Variants in ADAM12 observed in about 807,000 individuals in gnomAD.
The protein encoded by ADAM12 is disintegrin and metalloproteinase domain-containing protein 12.
Under a neutral mutation model 106.4 loss-of-function variants are expected in ADAM12, and 70 were observed. The observed-to-expected ratio is 0.66, with a 90% CI of 0.54 to 0.80. The LOEUF (loss-of-function observed/expected upper bound fraction) is 0.80. Among genes scored for constraint, ADAM12 ranks in the 30% least tolerant of loss-of-function variants. ADAM12 has a pLI of 0.00. For missense variants in ADAM12, 1,010 were observed against 1,171.9 expected (o/e 0.86, Z 2.02); for synonymous variants, 420 against 433.5 (o/e 0.97, Z 0.39).
chr10:126,294,297 C>T (rs1590744109), intron 2 of ADAM12, among the ~76,000 whole-genome samples: 1 of 152,188 alleles, frequency 6.6e-6, no homozygotes, highest in African/African-American at 2.4e-5. Context: ...TCACCCTTAA[C>T]ACAGATGAAT....
rs930916160 is a variant in ADAM12, at chr10:126,043,552, C to T, written c.1996-404G>A. 6.6e-6 allele frequency among the ~76,000 whole-genome samples: 1 copy of T among 152,176 alleles called. No homozygotes were observed. Among genetic ancestry groups the T allele is most frequent in the Non-Finnish European group, 1.5e-5 (1 of 68,028 alleles). ...ACAGACCCAGAGCCCTGGGGCACCGCGGGACCTGACAGATGCTTGGCGCAT... is the reference window on the plus strand; with the variant it reads ...ACAGACCCAGAGCCCTGGGGCACCGTGGGACCTGACAGATGCTTGGCGCAT... On this transcript the variant is annotated intron_variant, in intron 17 of 22. Coordinates refer to ENST00000448723, the MANE Select transcript of ADAM12 (RefSeq NM_001288973.2). This position sits in a 1 kb window ranked among gnomAD's most constrained non-coding sequence, Gnocchi z 4.1.
chr10:126,085,946 T>C (rs2126742), intron 11 of ADAM12, among the ~76,000 whole-genome samples: 106,416 of 151,602 alleles, frequency 0.7, 37,845 homozygotes, highest in East Asian at 0.82. Flanking sequence ...CTAGAAATAA[T>C]CCTTTACCCT....
intron 14 of ADAM12, among the ~76,000 whole-genome samples, chr10:126,055,637 C>T (rs113713906): frequency 1.8e-4 from 28 of 152,290 alleles, no homozygotes; most frequent in African/African-American, 6.5e-4. Flanking sequence ...ACCCATGATC[C>T]AGCCATGATC....
At position 126,388,215 on chromosome 10, in the gene ADAM12, G is replaced by A. The variant is rs1856748632; in HGVS notation, c.-70C>T. On this transcript the variant is annotated 5_prime_UTR_variant, in exon 1 of 23. Coordinates refer to ENST00000448723, the MANE Select transcript of ADAM12 (RefSeq NM_001288973.2). This position sits in a 1 kb window ranked among gnomAD's most constrained non-coding sequence, Gnocchi z 4.4. ...CGCTGCACCATCCCACGCGGGCGCC[G>A]AGCCGGGGCCGGGCGTCGCGACCGG... 1 of 1,194,612 alleles carries A rather than the reference G, an allele frequency of 8.4e-7. No homozygotes were observed. Among genetic ancestry groups the A allele is most frequent in the South Asian group, 4.2e-5 (1 of 24,008 alleles). 74.0% of individuals were successfully genotyped at this position (1,194,612 alleles called of 1,614,324 possible). A position where few individuals can be genotyped will look rare whatever the true frequency, so the allele number is the denominator to read the frequency against.
intron 21 of ADAM12, among the ~76,000 whole-genome samples, chr10:126,026,751 C>T (rs1953881290): frequency 6.6e-6 from 1 of 152,206 alleles, no homozygotes; most frequent in East Asian, 1.9e-4. Flanking sequence ...ATACCAGAAT[C>T]TCTGAGAAGC....
intron 6 of ADAM12, among the ~76,000 whole-genome samples, chr10:126,115,522 G>A (rs1299112265): frequency 6.6e-6 from 1 of 152,136 alleles, no homozygotes; most frequent in South Asian, 2.1e-4. Context: ...CTAATGTGGA[G>A]CCTTGTAAAA....
intron 3 of ADAM12, among the ~76,000 whole-genome samples, chr10:126,180,055 T>C (rs546219090): frequency 7.2e-5 from 11 of 152,186 alleles, no homozygotes; most frequent in Admixed American, 2.6e-4. Flanking sequence ...CCCATCCATA[T>C]AATATTGATA....
At chr10:126,021,906 G>T (rs1329309089) in intron 21 of ADAM12, among the ~76,000 whole-genome samples, 1 of 152,154 alleles carries the variant, frequency 6.6e-6, no homozygotes, top group Non-Finnish European at 1.5e-5. Context: ...AATTAACTAA[G>T]GTAACAAATC....
intron 3 of ADAM12, among the ~76,000 whole-genome samples, chr10:126,176,946 A>C (rs2133774857): frequency 6.6e-6 from 1 of 152,276 alleles, no homozygotes; most frequent in East Asian, 1.9e-4. Flanking sequence ...TCATTTGAAA[A>C]AGAGCTGCCC....
intron 2 of ADAM12, among the ~76,000 whole-genome samples, chr10:126,291,734 G>A (rs115216271): frequency 3.3e-4 from 50 of 152,238 alleles, no homozygotes; most frequent in African/African-American, 1.2e-3. Context: ...CAGGGCTCGG[G>A]GGGTGATGGA....
At chr10:126,253,569 A>C (rs1958827163) in intron 3 of ADAM12, among the ~76,000 whole-genome samples, 1 of 152,230 alleles carries the variant, frequency 6.6e-6, no homozygotes, top group South Asian at 2.1e-4. Context: ...GAAGATTAGA[A>C]CAAGACATCT....
At chr10:126,019,093 G>A (rs1265546058) in intron 22 of ADAM12, among the ~76,000 whole-genome samples, 1 of 152,146 alleles carries the variant, frequency 6.6e-6, no homozygotes, top group African/African-American at 2.4e-5. Flanking sequence ...TTGGTTCTAA[G>A]TGATAGGAGT....
At chr10:126,190,445 G>A (rs911152164) in intron 3 of ADAM12, among the ~76,000 whole-genome samples, 17 of 151,944 alleles carry the variant, frequency 1.1e-4, no homozygotes, top group African/African-American at 4.8e-5. Context: ...ACCTCAAGTA[G>A]TCCACCTGCC....
chr10:126,059,645 C>T (rs879721484), intron 14 of ADAM12, among the ~76,000 whole-genome samples: 1 of 152,182 alleles, frequency 6.6e-6, no homozygotes, highest in Non-Finnish European at 1.5e-5. Context: ...TGAGTATTCA[C>T]CAGCCCATAA....
chr10:126,366,117 T>C (rs1409151532), intron 1 of ADAM12, among the ~76,000 whole-genome samples: 6 of 151,926 alleles, frequency 3.9e-5, no homozygotes, highest in East Asian at 1.9e-4. Flanking sequence ...GTGAGAAAAA[T>C]TGACACAAAT....
intron 8 of ADAM12, among the ~76,000 whole-genome samples, chr10:126,105,315 T>A (rs1043288712): frequency 6.6e-6 from 1 of 152,206 alleles, no homozygotes; most frequent in African/African-American, 2.4e-5. Flanking sequence ...ATCCCTTTTT[T>A]AAAATGGGGC....
chr10:126,085,648 T>TCGTC (rs1235959454), intron 11 of ADAM12, among the ~76,000 whole-genome samples: 2 of 152,138 alleles, frequency 1.3e-5, no homozygotes, highest in African/African-American at 4.8e-5. Flanking sequence ...CATCCATCCT[T>TCGTC]TGTCTGTCTG....
intron 4 of ADAM12, among the ~76,000 whole-genome samples, chr10:126,153,419 T>G (rs939683458): frequency 1.3e-5 from 2 of 152,222 alleles, no homozygotes; most frequent in African/African-American, 4.8e-5. Context: ...CCTTGGTGGA[T>G]TTTCCTCAAG....
At chr10:126,160,928 C>T (rs1956921079) in intron 3 of ADAM12, among the ~76,000 whole-genome samples, 1 of 152,214 alleles carries the variant, frequency 6.6e-6, no homozygotes, top group Admixed American at 6.5e-5. Flanking sequence ...ACATTCTTTA[C>T]ATGGCTTTTC....
Sources: gnomAD v4.1 joint callset for allele counts (sites outside exome capture counted in the v4.1 genomes callset) on GRCh38, gnomAD v4.1.1 for gene constraint, Gnocchi (gnomAD v3.1) non-coding constraint, MANE v1.5 for transcripts, NCBI Gene and HGNC (gene_info 2026-07-23, HGNC 2026-07-21) for gene names.